Variants in BMS1 observed in about 807,000 individuals in gnomAD.
The protein encoded by BMS1 is BMS1 ribosome biogenesis factor.
In BMS1, 53 loss-of-function variants were observed where a neutral mutation model predicts 138.7. The observed-to-expected ratio is 0.38, with a 90% CI of 0.31 to 0.48. The LOEUF is 0.48. Ranked by LOEUF, BMS1 falls within the 20% of genes least tolerant of loss-of-function variation. The pLI, the probability that BMS1 is intolerant of heterozygous loss-of-function variation, is 0.97. For missense variants in BMS1, 1,360 were observed against 1,565.5 expected (o/e 0.87, Z 2.22); for synonymous variants, 504 against 539.9 (o/e 0.93, Z 0.92).
chr10:42,784,048 G>A (rs905612669), intron 1 of BMS1, among the ~76,000 whole-genome samples: 1 of 152,134 alleles, frequency 6.6e-6, no homozygotes, highest in Admixed American at 6.5e-5. Context: ...GTGGCTAATG[G>A]CTAAATGGCT....
chr10:42,825,779 T>C (rs547380340), intron 21 of BMS1, among the ~76,000 whole-genome samples: 8 of 152,330 alleles, frequency 5.3e-5, no homozygotes, highest in African/African-American at 1.7e-4. Flanking sequence ...TTTTTTCTCA[T>C]CTGATTGCTC....
intron 13 of BMS1, among the ~76,000 whole-genome samples, chr10:42,807,946 A>ATG (rs1842058481): frequency 6.6e-6 from 1 of 152,160 alleles, no homozygotes; most frequent in Non-Finnish European, 1.5e-5. Context: ...ATCCTTGACA[A>ATG]TGTGTGGTGT....
At chr10:42,804,498 T>A (rs931841469) in intron 13 of BMS1, among the ~76,000 whole-genome samples, 1 of 152,202 alleles carries the variant, frequency 6.6e-6, no homozygotes, top group Non-Finnish European at 1.5e-5. Context: ...TTTTTTCATG[T>A]GCTTATTTGC....
chr10:42,785,348 ACT>A (rs1841293871), intron 2 of BMS1, 132 bp from the exon 3 acceptor site: 17 of 640,206 alleles, frequency 2.7e-5, no homozygotes, highest in Non-Finnish European at 3.3e-5. Context: ...TGTCTGTTGT[ACT>A]CTCTATAAAA....
intron 1 of BMS1, among the ~76,000 whole-genome samples, chr10:42,783,076 G>A (rs984464275): frequency 2.7e-4 from 41 of 152,070 alleles, no homozygotes; most frequent in African/African-American, 9.9e-4. Flanking sequence ...TCCTGGCGAC[G>A]TGGTCCCGGT....
chr10:42,814,045 G>A (rs1283417348), intron 13 of BMS1, among the ~76,000 whole-genome samples: 1 of 151,868 alleles, frequency 6.6e-6, no homozygotes, highest in Non-Finnish European at 1.5e-5. Flanking sequence ...TGCCATTTTT[G>A]GTCTTTGTTT....
rs533666317 is a variant in BMS1, at chr10:42,805,254, C to T, written c.2329+3036C>T. Among the ~76,000 whole-genome samples, 19 of 151,800 alleles carry T rather than the reference C, an allele frequency of 1.3e-4. No individual in the cohort carries two copies. In the East Asian group the frequency reaches 3.5e-3, roughly 28 times the overall value. On this transcript the variant is annotated intron_variant, in intron 13 of 22. Coordinates refer to ENST00000374518, the MANE Select transcript of BMS1 (RefSeq NM_014753.4). Reference sequence around the variant, plus strand: ...CATCTGCTGAAAATCTATTTTTTTCCCCGTTGAATTGCCCTGTATTGGTTG... The same window carrying T: ...CATCTGCTGAAAATCTATTTTTTTCTCCGTTGAATTGCCCTGTATTGGTTG...
intron 13 of BMS1, among the ~76,000 whole-genome samples, chr10:42,802,599 A>G (rs1313046497): frequency 6.6e-6 from 1 of 152,068 alleles, no homozygotes; most frequent in Non-Finnish European, 1.5e-5. Context: ...CTACCAACCC[A>G]TAAAAAAACC....
chr10:42,791,902 T>C, intron 6 of BMS1, 133 bp downstream of exon 6: 1 of 1,135,626 alleles, frequency 8.8e-7, no homozygotes, highest in Non-Finnish European at 1.2e-6. Flanking sequence ...TGATGGAAAA[T>C]GTCTACTTAT....
At chr10:42,828,066 C>T (rs1842702322) in intron 21 of BMS1, among the ~76,000 whole-genome samples, 1 of 152,222 alleles carries the variant, frequency 6.6e-6, no homozygotes, top group Non-Finnish European at 1.5e-5. Context: ...GCTAGATGAA[C>T]TGTAGCACAC....
intron 20 of BMS1, 24 bp downstream of exon 20, chr10:42,823,289 G>C (rs771573801): frequency 1.9e-5 from 29 of 1,528,114 alleles, no homozygotes; most frequent in Non-Finnish European, 2.5e-5. Flanking sequence ...GTAGTGTTCA[G>C]GGCAGGGTGT....
At chr10:42,814,483 C>A (rs1436449611) in intron 13 of BMS1, among the ~76,000 whole-genome samples, 3 of 152,034 alleles carry the variant, frequency 2.0e-5, no homozygotes, top group Admixed American at 6.6e-5. Context: ...GTTTTCAGTT[C>A]TTTGTTTGTT....
intron 3 of BMS1, among the ~76,000 whole-genome samples, chr10:42,786,103 T>C (rs60066951): frequency 8.9e-4 from 136 of 152,370 alleles, no homozygotes; most frequent in African/African-American, 3.1e-3. Context: ...TCCTGACTGC[T>C]CTTTGGCTTT....
chr10:42,810,667 A>G (rs1842145334), intron 13 of BMS1, among the ~76,000 whole-genome samples: 3 of 152,096 alleles, frequency 2.0e-5, no homozygotes, highest in Admixed American at 1.3e-4. Flanking sequence ...TACAAATTTT[A>G]TTTCTTTAAT....
At chr10:42,830,734 C>T (rs1842778664) in intron 22 of BMS1, 132 bp from the exon 23 acceptor site, 1 of 843,168 alleles carries the variant, frequency 1.2e-6, no homozygotes. Context: ...ACAATGACTT[C>T]CTAGCACAGG....
intron 21 of BMS1, among the ~76,000 whole-genome samples, chr10:42,825,945 A>T (rs12254233): frequency 0.11 from 16,074 of 152,234 alleles, 1,023 homozygotes; most frequent in African/African-American, 0.17. Flanking sequence ...CTTTCCTTCT[A>T]TACATAAACT....
chr10:42,810,812 G>C (rs1287456494), intron 13 of BMS1, among the ~76,000 whole-genome samples: 2 of 152,204 alleles, frequency 1.3e-5, no homozygotes, highest in African/African-American at 4.8e-5. Flanking sequence ...AGCTTGGGTA[G>C]TCTGAGGGTG....
rs763091172 is a variant in BMS1, at chr10:42,793,131, G to T, written c.1076G>T (p.Ser359Ile). The T allele has an allele frequency of 6.2e-7, 1 of 1,606,154 alleles. No homozygotes were observed. Among genetic ancestry groups the T allele is most frequent in the South Asian group, 1.1e-5 (1 of 89,490 alleles). ...GCTGTCTATGTTGACCTTGGTGGCAGCCACGTTTTTCAGGTATCGGTGAGA... is the reference window on the plus strand; with the variant it reads ...GCTGTCTATGTTGACCTTGGTGGCATCCACGTTTTTCAGGTATCGGTGAGA... ...KDAVYVDLGG[S>I]HVFQDEVGPT... The change falls in exon 8 of 23, where the codon AGC (serine) becomes ATC (isoleucine). Residue 359 changes from serine to isoleucine, a missense_variant. By Grantham distance (142) the Ser-to-Ile change is moderately radical. This residue lies in a region of BMS1 where 697 missense variants were observed against 686.2 expected (regional missense o/e 1.02). Coordinates refer to ENST00000374518, the MANE Select transcript of BMS1 (RefSeq NM_014753.4).
At chr10:42,794,464 T>C (rs1328996125) in intron 9 of BMS1, among the ~76,000 whole-genome samples, 1 of 151,816 alleles carries the variant, frequency 6.6e-6, no homozygotes, top group Non-Finnish European at 1.5e-5. Context: ...TTGTATACCT[T>C]TATATGCAGT....
Sources: gnomAD v4.1 joint callset for allele counts (sites outside exome capture counted in the v4.1 genomes callset) on GRCh38, gnomAD v4.1.1 for gene constraint, gnomAD v4.1.1 regional missense constraint, MANE v1.5 for transcripts, NCBI Gene and HGNC (gene_info 2026-07-23, HGNC 2026-07-21) for gene names.